ZCCHC17: variants seen among roughly 807,000 people sequenced by gnomAD.
ZCCHC17 encodes zinc finger CCHC domain-containing protein 17.
ZCCHC17 carries 18 observed loss-of-function variants against 30.6 expected under a neutral mutation model. The ratio of observed to expected loss-of-function variants is 0.59; its 90% confidence interval spans 0.41 to 0.87. The LOEUF (loss-of-function observed/expected upper bound fraction) is 0.87. Among genes scored for constraint, ZCCHC17 ranks in the 40% least tolerant of loss-of-function variants. The pLI, the probability that ZCCHC17 is intolerant of heterozygous loss-of-function variation, is 0.00. For missense variants in ZCCHC17, 263 were observed against 284.2 expected (o/e 0.93, Z 0.54); for synonymous variants, 88 against 92.4 (o/e 0.95, Z 0.27).
intron 3 of ZCCHC17, among the ~76,000 whole-genome samples, chr1:31,331,493 G>A (rs952961716): frequency 1.3e-5 from 2 of 152,064 alleles, no homozygotes; most frequent in South Asian, 2.1e-4. Flanking sequence ...ACAAGCAGGG[G>A]GTTGTCAGCT....
At chr1:31,300,473 C>T (rs1416791007) in intron 1 of ZCCHC17, among the ~76,000 whole-genome samples, 1 of 152,136 alleles carries the variant, frequency 6.6e-6, no homozygotes, top group East Asian at 1.9e-4. Flanking sequence ...ACATCCCTTT[C>T]TGCTTAAGTG....
intron 2 of ZCCHC17, among the ~76,000 whole-genome samples, chr1:31,315,958 G>C (rs1646722031): frequency 6.6e-6 from 1 of 152,154 alleles, no homozygotes; most frequent in African/African-American, 2.4e-5. Context: ...TTCCTTTTGG[G>C]AGAGGCCAAA....
chr1:31,337,990 G>A, intron 4 of ZCCHC17, among the ~76,000 whole-genome samples: 1 of 152,046 alleles, frequency 6.6e-6, no homozygotes, highest in East Asian at 1.9e-4. Context: ...TCTTTTTTGA[G>A]ACAGGGTCTC....
At chr1:31,331,627 C>G (rs377109895) in intron 3 of ZCCHC17, among the ~76,000 whole-genome samples, 1 of 144,686 alleles carries the variant, frequency 6.9e-6, no homozygotes, top group Non-Finnish European at 1.5e-5. Context: ...TTTTTTTTTT[C>G]TTTGAGATGG....
chr1:31,341,568 C>G (rs1639048465), intron 5 of ZCCHC17, among the ~76,000 whole-genome samples: 1 of 152,142 alleles, frequency 6.6e-6, no homozygotes, highest in Non-Finnish European at 1.5e-5. Context: ...GTGGCTGAAA[C>G]AGTAACTTTT....
At chr1:31,334,245 G>A (rs941785209) in intron 3 of ZCCHC17, among the ~76,000 whole-genome samples, 2 of 151,528 alleles carry the variant, frequency 1.3e-5, no homozygotes, top group African/African-American at 2.4e-5. Flanking sequence ...CCCAGTAGGA[G>A]CTCTAAACAG....
In ZCCHC17 at chr1:31,319,093, TC is replaced by T. The variant is rs748368127; in HGVS notation, c.67-11del. 5 of 1,601,624 alleles carry T rather than the reference TC, an allele frequency of 3.1e-6. No individual in the cohort carries two copies. Among genetic ancestry groups the T allele is most frequent in the East Asian group, 2.2e-5 (1 of 44,750 alleles). On this transcript the variant is annotated splice_polypyrimidine_tract_variant and intron_variant, in intron 2 of 7. Coordinates refer to ENST00000344147, the MANE Select transcript of ZCCHC17 (RefSeq NM_016505.4). ...CTCATGTATGTGACATTGATTTTTT[TC>T]CCCCATCTTTATAGGTTGCTATGGT... is the stretch of plus-strand genomic sequence containing the variant.
intron 1 of ZCCHC17, among the ~76,000 whole-genome samples, chr1:31,298,761 C>G (rs1452928482): frequency 2.6e-5 from 4 of 152,176 alleles, no homozygotes; most frequent in Non-Finnish European, 5.9e-5. Context: ...TGAAATACAG[C>G]TTTGTGCTCA....
At chr1:31,336,296 G>A (rs1321250955) in intron 3 of ZCCHC17, among the ~76,000 whole-genome samples, 1 of 152,100 alleles carries the variant, frequency 6.6e-6, no homozygotes, top group African/African-American at 2.4e-5. Context: ...TAGACTGCAA[G>A]TTATTTCAGC....
chr1:31,345,522 G>A (rs1411858926), intron 5 of ZCCHC17, among the ~76,000 whole-genome samples: 73 of 3,538 alleles, frequency 0.021, no homozygotes, highest in African/African-American at 0.061. Flanking sequence ...AAAATCAAGT[G>A]AGCTGTATAC....
At chr1:31,315,635 A>T (rs1646715456) in intron 2 of ZCCHC17, among the ~76,000 whole-genome samples, 1 of 152,210 alleles carries the variant, frequency 6.6e-6, no homozygotes, top group East Asian at 1.9e-4. Context: ...TTTGACAAGT[A>T]ACTTATGCCC....
intron 1 of ZCCHC17, among the ~76,000 whole-genome samples, chr1:31,302,041 A>G (rs1646325600): frequency 6.6e-6 from 1 of 152,162 alleles, no homozygotes; most frequent in Non-Finnish European, 1.5e-5. Flanking sequence ...CAACCTGGCC[A>G]ACATGGTGAA....
At chr1:31,333,701 AAAG>A (rs1638687245) in intron 3 of ZCCHC17, among the ~76,000 whole-genome samples, 1 of 152,226 alleles carries the variant, frequency 6.6e-6, no homozygotes, top group Admixed American at 6.5e-5. Flanking sequence ...TAAGCTACTT[AAAG>A]ACAAAAAAAG....
Position 31,356,048 on chromosome 1 carries a change from G to A in ZCCHC17, c.564+7074G>A, listed in dbSNP as rs74333640. Among the ~76,000 whole-genome samples, 882 of 152,316 alleles carry A rather than the reference G, an allele frequency of 5.8e-3. 70 individuals carry two copies. The East Asian group carries it at 0.14, about 25-fold the overall frequency. On this transcript the variant is annotated intron_variant, in intron 7 of 7. Transcript: ENST00000344147. ...GTCCATGCTCCTGAGTTGGACAGTG[G>A]AGAGTAGGAATGCCTGGCGTGTGGA...
chr1:31,331,908 C>T (rs1257539316), intron 3 of ZCCHC17, among the ~76,000 whole-genome samples: 1 of 152,082 alleles, frequency 6.6e-6, no homozygotes, highest in African/African-American at 2.4e-5. Context: ...CCATGCCCGG[C>T]CGAGATGGAT....
At chr1:31,344,817 T>C (rs1639179437) in intron 5 of ZCCHC17, among the ~76,000 whole-genome samples, 1 of 152,120 alleles carries the variant, frequency 6.6e-6, no homozygotes, top group Admixed American at 6.5e-5. Context: ...GTGAGTTCCT[T>C]GAGTTATGTC....
At chr1:31,363,808 TTGATTGTG>T in intron 7 of ZCCHC17, among the ~76,000 whole-genome samples, 1 of 152,208 alleles carries the variant, frequency 6.6e-6, no homozygotes, top group South Asian at 2.1e-4. Context: ...TGGTCCCCTA[TTGATTGTG>T]TGCTATAATT....
chr1:31,304,869 A>G (rs575394661), intron 1 of ZCCHC17, among the ~76,000 whole-genome samples: 3 of 152,174 alleles, frequency 2.0e-5, no homozygotes, highest in Non-Finnish European at 2.9e-5. Context: ...TGCTGGGATT[A>G]CAGGCGTGAG....
At chr1:31,322,336 A>G (rs982176955) in intron 3 of ZCCHC17, among the ~76,000 whole-genome samples, 2 of 152,126 alleles carry the variant, frequency 1.3e-5, no homozygotes, top group Admixed American at 6.5e-5. Flanking sequence ...GATTACCTAC[A>G]CTTTTGTCTC....
Sources: gnomAD v4.1 joint callset for allele counts (sites outside exome capture counted in the v4.1 genomes callset) on GRCh38, gnomAD v4.1.1 for gene constraint, MANE v1.5 for transcripts, NCBI Gene and HGNC (gene_info 2026-07-23, HGNC 2026-07-21) for gene names.